The following SATB2 variants were observed in gnomAD, a reference collection of about 807,000 sequenced individuals.
SATB2 encodes DNA-binding protein SATB2.
A neutral mutation model predicts 73.4 loss-of-function variants in SATB2; 1 was observed. That is an observed-to-expected ratio of 0.01 (90% CI 0.00 to 0.06). SATB2 has a LOEUF of 0.06. Ranked by LOEUF, SATB2 falls within the 10% of genes least tolerant of loss-of-function variation. The probability of loss-of-function intolerance (pLI) is 1.00; values close to 1 mark genes in which losing one functional copy is unlikely to be tolerated. For synonymous variants in SATB2, 397 were observed against 367.0 expected (o/e 1.08, Z -0.93); for missense variants, 459 against 945.8 (o/e 0.49, Z 6.75).
chr2:199,329,644 T>C (rs555850945), intron 7 of SATB2, among the ~76,000 whole-genome samples: 1 of 152,228 alleles, frequency 6.6e-6, no homozygotes, highest in South Asian at 2.1e-4. Context: ...GTAATAACAG[T>C]GTGCACGGAA....
intron 10 of SATB2, among the ~76,000 whole-genome samples, chr2:199,297,234 A>G (rs1687135705): frequency 6.6e-6 from 1 of 152,246 alleles, no homozygotes; most frequent in Non-Finnish European, 1.5e-5. Context: ...ATTTGTTGCC[A>G]TCAATAGTTA....
intron 2 of SATB2, among the ~76,000 whole-genome samples, chr2:199,443,840 G>C (rs1354861059): frequency 6.6e-6 from 1 of 152,156 alleles, no homozygotes; most frequent in Non-Finnish European, 1.5e-5. Context: ...AAGCAAGAGG[G>C]AGAAAGAGCA....
At chr2:199,384,401 C>T (rs1689868120) in intron 3 of SATB2, among the ~76,000 whole-genome samples, 1 of 152,226 alleles carries the variant, frequency 6.6e-6, no homozygotes, top group Non-Finnish European at 1.5e-5. Context: ...GGTACAAGAT[C>T]TGCTAGGAGA....
chr2:199,435,543 C>G (rs774276594), intron 2 of SATB2, among the ~76,000 whole-genome samples: 6 of 152,046 alleles, frequency 3.9e-5, no homozygotes, highest in Non-Finnish European at 8.8e-5. Flanking sequence ...GAGGTTTCTC[C>G]ATGTTGGCCA....
chr2:199,286,196 T>C (rs1692682854), intron 10 of SATB2, among the ~76,000 whole-genome samples: 1 of 151,626 alleles, frequency 6.6e-6, no homozygotes, highest in South Asian at 2.1e-4. Context: ...AATCTGCAAA[T>C]ACTGAAGAGG....
intron 3 of SATB2, among the ~76,000 whole-genome samples, chr2:199,390,731 T>C (rs1442588497): frequency 1.3e-5 from 2 of 152,178 alleles, no homozygotes; most frequent in Non-Finnish European, 2.9e-5. Flanking sequence ...CCTCATTAAT[T>C]ATGTGTATTC....
At chr2:199,442,399 A>G (rs1001392505) in intron 2 of SATB2, among the ~76,000 whole-genome samples, 1 of 152,196 alleles carries the variant, frequency 6.6e-6, no homozygotes, top group Non-Finnish European at 1.5e-5. Context: ...CATCGCATGG[A>G]TGGGTGCGTA....
intron 2 of SATB2, among the ~76,000 whole-genome samples, chr2:199,436,100 T>A (rs1691643989): frequency 1.3e-5 from 2 of 152,316 alleles, no homozygotes; most frequent in South Asian, 4.1e-4. Flanking sequence ...AAAGATAAGA[T>A]CTTTAAATGA....
At chr2:199,394,222 A>G (rs1011736812) in intron 3 of SATB2, among the ~76,000 whole-genome samples, 1 of 152,210 alleles carries the variant, frequency 6.6e-6, no homozygotes, top group Admixed American at 6.5e-5. Flanking sequence ...TATATGACCA[A>G]TGAAGCCCAT....
intron 10 of SATB2, among the ~76,000 whole-genome samples, chr2:199,300,270 G>C (rs1687243256): frequency 6.6e-6 from 1 of 151,540 alleles, no homozygotes. Flanking sequence ...TAGGACAACA[G>C]CAAAACCAGC....
chr2:199,435,611 T>A (rs1011509467), intron 2 of SATB2, among the ~76,000 whole-genome samples: 5 of 152,214 alleles, frequency 3.3e-5, no homozygotes, highest in Admixed American at 1.3e-4. Flanking sequence ...CCCAAAGTGC[T>A]GGGATTACAG....
At chr2:199,297,210 C>T (rs1341276580) in intron 10 of SATB2, among the ~76,000 whole-genome samples, 1 of 152,188 alleles carries the variant, frequency 6.6e-6, no homozygotes, top group African/African-American at 2.4e-5. Context: ...TTGTTGTGAA[C>T]TACACTTCAA....
At chr2:199,278,983 G>A (rs1692399949) in intron 10 of SATB2, among the ~76,000 whole-genome samples, 1 of 152,200 alleles carries the variant, frequency 6.6e-6, no homozygotes, top group Non-Finnish European at 1.5e-5. Flanking sequence ...TTTTTAATAA[G>A]AAGTCCTATT....
Position 199,433,635 on chromosome 2 carries a change from T to G in SATB2, c.170-121A>C, listed in dbSNP as rs1274499794. ...ATCTGTGATCGACAGTGGTTTAGAT[T>G]AAACAAGCCTCTTAGTCATATAGGT... On this transcript the variant is annotated intron_variant, in intron 2 of 10. Coordinates refer to ENST00000417098, the MANE Select transcript of SATB2 (RefSeq NM_001172509.2). 4 of 907,962 alleles carry G rather than the reference T, an allele frequency of 4.4e-6. No individual in the cohort carries two copies. In the Admixed American group the frequency reaches 5.8e-5, roughly 13 times the overall value. The allele number at this position is 907,962 out of a possible 1,614,324, so 56.2% of individuals were successfully genotyped here. A position where few individuals can be genotyped will look rare whatever the true frequency, so the allele number is the denominator to read the frequency against.
At chr2:199,381,884 G>T in intron 3 of SATB2, 64 bp from the exon 4 acceptor site, 1 of 1,570,944 alleles carries the variant, frequency 6.4e-7, no homozygotes, top group Non-Finnish European at 8.7e-7. Flanking sequence ...CCCATTGTTT[G>T]TTCAATGTTA....
Position 199,355,348 on chromosome 2 carries a change from C to CTATATATATATATATATATATA in SATB2, c.701-6197_701-6176dup, listed in dbSNP as rs72202602. Among the ~76,000 whole-genome samples the CTATATATATATATATATATATA allele has an allele frequency of 6.7e-5, 9 of 134,186 alleles. 1 individual carries two copies. The highest frequency in any genetic ancestry group is 2.5e-4 in the East Asian group (1 of 4,064). 88.0% of individuals were successfully genotyped at this position (134,186 alleles called of 152,430 possible). ...TATGTGTGTGTGTGTGTGTGTGTAT[C>CTATATATATATATATATATATA]TATATATATATATATATATATATAT... On this transcript the variant is annotated intron_variant, in intron 6 of 10. Coordinates refer to ENST00000417098, the MANE Select transcript of SATB2 (RefSeq NM_001172509.2).
At chr2:199,433,281 C>A in intron 3 of SATB2, 57 bp downstream of exon 3, 1 of 1,535,424 alleles carries the variant, frequency 6.5e-7, no homozygotes, top group Admixed American at 1.9e-5. Flanking sequence ...AAAACATATT[C>A]TTCCTCAAAT....
chr2:199,416,693 T>C (rs1205585832), intron 3 of SATB2, among the ~76,000 whole-genome samples: 1 of 152,190 alleles, frequency 6.6e-6, no homozygotes. Context: ...TGTCATTTCT[T>C]ACTGCCTTGT....
chr2:199,324,031 A>C, intron 8 of SATB2, 73 bp from the exon 9 acceptor site: 1 of 1,551,588 alleles, frequency 6.4e-7, no homozygotes, highest in Non-Finnish European at 8.9e-7. Flanking sequence ...AGAAATTATC[A>C]AAGGATTTCA....
Sources: gnomAD v4.1 joint callset for allele counts (sites outside exome capture counted in the v4.1 genomes callset) on GRCh38, gnomAD v4.1.1 for gene constraint, MANE v1.5 for transcripts, NCBI Gene and HGNC (gene_info 2026-07-23, HGNC 2026-07-21) for gene names.